RTL9: variants seen among roughly 807,000 people sequenced by gnomAD.
RTL9 encodes the protein retrotransposon Gag-like protein 9.
RTL9 carries 19 observed loss-of-function variants against 44.7 expected under a neutral mutation model. The observed-to-expected ratio is 0.42, with a 90% CI of 0.30 to 0.62. RTL9 has a LOEUF of 0.62. RTL9 is among the 20% of genes least tolerant of loss of function. The pLI, the probability that RTL9 is intolerant of heterozygous loss-of-function variation, is 0.16. For synonymous variants in RTL9, 407 were observed against 398.9 expected, an observed-to-expected ratio of 1.02 and a Z score of -0.24; for missense variants, 1,105 against 1,080.6, an observed-to-expected ratio of 1.02 and a Z score of -0.32.
chrX:110,402,042 C>T (rs983711279), intron 1 of RTL9, among the ~76,000 whole-genome samples: 16 of 112,245 alleles, frequency 1.4e-4, no homozygotes, highest in Non-Finnish European at 3.0e-4. Flanking sequence ...CCCACCAGTA[C>T]GCTCAACCTT....
chrX:110,453,613 G>A (rs144417719), exon 1 of RTL9: 2 of 1,212,037 alleles, frequency 1.7e-6, no homozygotes. Context: ...GCGAACTCTA[G>A]ATCTATGTCC....
exon 2 of RTL9, chrX:110,455,555 T>G: frequency 3.1e-6 from 1 of 320,719 alleles, no homozygotes; most frequent in Non-Finnish European, 5.5e-6. Context: ...GTATGGTGTA[T>G]GAGGTTCTGA....
chrX:110,450,791 T>A, exon 1 of RTL9: 1 of 1,211,794 alleles, frequency 8.3e-7, no homozygotes, highest in East Asian at 3.0e-5. Context: ...CCTCAGACCC[T>A]GGAGGGACAT....
chrX:110,378,219 G>A (rs1230110101), intron 1 of RTL9, among the ~76,000 whole-genome samples: 1 of 110,946 alleles, frequency 9.0e-6, no homozygotes, highest in Non-Finnish European at 1.9e-5. Context: ...TTGGGTATGG[G>A]AAGGTCCTTA....
At chrX:110,444,997 C>T (rs2068901147) in intron 1 of RTL9, among the ~76,000 whole-genome samples, 156 bp from the exon 2 acceptor site, 1 of 112,746 alleles carries the variant, frequency 8.9e-6, no homozygotes, top group African/African-American at 3.2e-5. Flanking sequence ...GTTTGCTCTT[C>T]TTATAATGTT....
chrX:110,443,953 C>T (rs1227352245), intron 1 of RTL9, among the ~76,000 whole-genome samples: 1 of 112,318 alleles, frequency 8.9e-6, no homozygotes, highest in East Asian at 2.8e-4. Context: ...ATTAAAAATG[C>T]TAATCAGGAG....
chrX:110,370,443 A>G (rs1240328389), intron 1 of RTL9, among the ~76,000 whole-genome samples: 1 of 111,759 alleles, frequency 8.9e-6, no homozygotes, highest in Non-Finnish European at 1.9e-5. Context: ...TCCTGACCTC[A>G]TGTGATCCAC....
intron 1 of RTL9, among the ~76,000 whole-genome samples, chrX:110,394,638 T>C (rs959974543): frequency 8.9e-6 from 1 of 112,879 alleles, no homozygotes; most frequent in Admixed American, 9.3e-5. Flanking sequence ...CAGTGAGGAC[T>C]TACTGTACTC....
intron 1 of RTL9, among the ~76,000 whole-genome samples, chrX:110,408,007 A>G (rs1378526798): frequency 8.9e-6 from 1 of 112,547 alleles, no homozygotes; most frequent in Admixed American, 9.4e-5. Flanking sequence ...AAGAGCTGGC[A>G]TATGCCGCAA....
intron 1 of RTL9, among the ~76,000 whole-genome samples, chrX:110,369,483 C>G (rs2068322622): frequency 9.0e-6 from 1 of 111,544 alleles, no homozygotes; most frequent in Admixed American, 9.5e-5. Flanking sequence ...TCTACCACTC[C>G]CACTGCTACC....
At chrX:110,438,932 A>G (rs899546828) in intron 1 of RTL9, among the ~76,000 whole-genome samples, 1 of 112,232 alleles carries the variant, frequency 8.9e-6, no homozygotes, top group Non-Finnish European at 1.9e-5. Context: ...GGGTCATATG[A>G]AAGTTCAGAG....
rs1318182124 is a variant in RTL9 at position 110,427,553 on chromosome X, A to T, written c.-168+8418A>T. Among the ~76,000 whole-genome samples, 3 of 111,913 alleles carry T rather than the reference A, an allele frequency of 2.7e-5. No individual in the cohort carries two copies. In the Admixed American group the frequency reaches 2.8e-4, roughly 11 times the overall value. ...CAATCCTGGCTGCACATTCAAATAAATGGAGGGAGCTTTTAAAAGTTCTAA... is the reference window on the plus strand; with the variant it reads ...CAATCCTGGCTGCACATTCAAATAATTGGAGGGAGCTTTTAAAAGTTCTAA... On this transcript the variant is annotated intron_variant, in intron 1 of 3. Transcript: ENST00000465301.
upstream of RTL9, among the ~76,000 whole-genome samples, chrX:110,418,478 A>C (rs2068693947): frequency 8.9e-6 from 1 of 112,238 alleles, no homozygotes; most frequent in Non-Finnish European, 1.9e-5. Context: ...AGCAGCTAGC[A>C]TAGGCAGTTA....
chrX:110,427,150 A>G (rs1025191560), intron 1 of RTL9, among the ~76,000 whole-genome samples: 2 of 111,803 alleles, frequency 1.8e-5, no homozygotes, highest in Non-Finnish European at 3.8e-5. Flanking sequence ...CCACCTCCAG[A>G]CATCTCTTGC....
exon 1 of RTL9, chrX:110,452,155 A>C (rs979473071): frequency 8.3e-7 from 1 of 1,210,030 alleles, no homozygotes. Flanking sequence ...ATGTCCACCC[A>C]ACCAGTTACG....
chrX:110,415,455 C>T (rs2068670511), upstream of RTL9, among the ~76,000 whole-genome samples: 1 of 111,532 alleles, frequency 9.0e-6, no homozygotes, highest in Non-Finnish European at 1.9e-5. Context: ...TTCTTTAGTG[C>T]TGCTTTTGGA....
chrX:110,434,459 G>A (rs1034528114), intron 1 of RTL9, among the ~76,000 whole-genome samples: 1 of 111,453 alleles, frequency 9.0e-6, no homozygotes, highest in African/African-American at 3.3e-5. Context: ...TCTGAACCAC[G>A]ACCGTGGCAG....
At chrX:110,367,791 T>C (rs1250177339) in intron 1 of RTL9, among the ~76,000 whole-genome samples, 1 of 109,980 alleles carries the variant, frequency 9.1e-6, no homozygotes, top group Non-Finnish European at 1.9e-5. Flanking sequence ...CTATCAGCAA[T>C]ACTTTCAGCT....
chrX:110,381,942 A>T (rs1406089632), intron 1 of RTL9, among the ~76,000 whole-genome samples: 1 of 111,539 alleles, frequency 9.0e-6, no homozygotes, highest in Non-Finnish European at 1.9e-5. Context: ...ATAGAAGCCC[A>T]AACCTCAGCA....
Sources: gnomAD v4.1 joint callset for allele counts (sites outside exome capture counted in the v4.1 genomes callset) on GRCh38, gnomAD v4.1.1 for gene constraint, MANE v1.5 for transcripts, NCBI Gene and HGNC (gene_info 2026-07-23, HGNC 2026-07-21) for gene names.